The following VPS13A variants were observed in gnomAD, a reference collection of about 807,000 sequenced individuals.
The protein encoded by VPS13A is vacuolar protein sorting 13 homolog A.
VPS13A carries 264 observed loss-of-function variants against 390.9 expected under a neutral mutation model. The observed-to-expected ratio is 0.68, with a 90% CI of 0.61 to 0.75. The LOEUF (loss-of-function observed/expected upper bound fraction) is 0.75, where lower values mean the gene tolerates loss of function less well. Among genes scored for constraint, VPS13A ranks in the 30% least tolerant of loss-of-function variants. VPS13A has a pLI of 0.00. For synonymous variants in VPS13A, 1,231 were observed against 1,227.1 expected (o/e 1.00, Z -0.07); for missense variants, 3,409 against 3,733.9 (o/e 0.91, Z 2.27).
In VPS13A at chr9:77,276,240, T is replaced by A. The variant is rs770791761; in HGVS notation, c.2824+19T>A. On this transcript the variant is annotated intron_variant, in intron 26 of 71. Coordinates refer to ENST00000360280, the MANE Select transcript of VPS13A (RefSeq NM_033305.3). ...TACTTGGGTAAGAATCTCTATTTTT[T>A]AAAATAAATAAATTAATTTCATTGT... The A allele has an allele frequency of 1.9e-6, 3 of 1,547,122 alleles. No homozygotes were observed. Among genetic ancestry groups the A allele is most frequent in the South Asian group, 1.2e-5 (1 of 80,616 alleles).
intron 1 of VPS13A, among the ~76,000 whole-genome samples, chr9:77,184,722 A>G (rs1824229091): frequency 6.6e-6 from 1 of 152,252 alleles, no homozygotes; most frequent in Non-Finnish European, 1.5e-5. Flanking sequence ...TTGGTGTGAT[A>G]CATTACATTA....
Position 77,260,073 on chromosome 9 carries a change from C to T in VPS13A, c.2289-13C>T. On this transcript the variant is annotated splice_polypyrimidine_tract_variant and intron_variant, in intron 22 of 71. Transcript: ENST00000360280. Reference sequence around the variant, plus strand: ...TTCCTTTATAATTACTTATTTTTATCTTTTCAAAACAGATTCAAGATTTAT... The same window carrying T: ...TTCCTTTATAATTACTTATTTTTATTTTTTCAAAACAGATTCAAGATTTAT... 1 of 1,426,382 alleles carries T rather than the reference C, an allele frequency of 7.0e-7. No individual in the cohort carries two copies. The highest frequency in any genetic ancestry group is 9.8e-7 in the Non-Finnish European group (1 of 1,024,640). The allele number at this position is 1,426,382 out of a possible 1,614,324, so 88.4% of individuals were successfully genotyped here.
intron 1 of VPS13A, among the ~76,000 whole-genome samples, chr9:77,188,146 C>T (rs1392579451): frequency 6.6e-5 from 10 of 152,118 alleles, no homozygotes; most frequent in East Asian, 1.9e-4. Context: ...GTTCTGGCTC[C>T]GCTTTTGCCT....
At chr9:77,245,842 G>A (rs976550989) in intron 19 of VPS13A, among the ~76,000 whole-genome samples, 1 of 152,162 alleles carries the variant, frequency 6.6e-6, no homozygotes, top group Non-Finnish European at 1.5e-5. Flanking sequence ...TTGTTTCATG[G>A]TTCTACAGGC....
intron 26 of VPS13A, among the ~76,000 whole-genome samples, chr9:77,278,687 G>A (rs530851272): frequency 3.8e-4 from 58 of 152,202 alleles, no homozygotes; most frequent in Non-Finnish European, 7.4e-4. Context: ...GCAATTTGTG[G>A]CATTTTTTTC....
intron 3 of VPS13A, among the ~76,000 whole-genome samples, chr9:77,204,512 G>T (rs1825521907): frequency 6.6e-6 from 1 of 151,952 alleles, no homozygotes; most frequent in Non-Finnish European, 1.5e-5. Context: ...TAGTTTATAT[G>T]TATGATTATT....
intron 42 of VPS13A, among the ~76,000 whole-genome samples, chr9:77,319,938 G>A (rs1041245565): frequency 1.3e-5 from 2 of 152,048 alleles, no homozygotes; most frequent in Non-Finnish European, 2.9e-5. Flanking sequence ...CAAGGTTCAG[G>A]TTGTCTCATC....
intron 35 of VPS13A, 25 bp downstream of exon 35, chr9:77,308,123 T>G: frequency 2.5e-6 from 4 of 1,612,492 alleles, no homozygotes; most frequent in Non-Finnish European, 3.4e-6. Flanking sequence ...TCAAATTTCT[T>G]TCTGCTTTCC....
chr9:77,395,565 T>G (rs1380583470), intron 68 of VPS13A: 2 of 152,206 alleles, frequency 1.3e-5, no homozygotes, highest in Non-Finnish European at 2.9e-5. Flanking sequence ...GTAGACTTGC[T>G]TGATGCAGAG....
intron 22 of VPS13A, among the ~76,000 whole-genome samples, chr9:77,255,033 A>G (rs1462040961): frequency 6.6e-6 from 1 of 152,016 alleles, no homozygotes; most frequent in East Asian, 1.9e-4. Context: ...ACTCTCTTGA[A>G]TAGAAGTAGT....
chr9:77,251,708 C>T (rs1489727093), intron 21 of VPS13A, among the ~76,000 whole-genome samples: 2 of 152,116 alleles, frequency 1.3e-5, no homozygotes, highest in African/African-American at 2.4e-5. Flanking sequence ...GTTATTTAAC[C>T]ATTCCCTTAT....
Position 77,418,985 on chromosome 9 carries a change from C to A in VPS13A, c.*2979C>A, listed in dbSNP as rs574494801. On this transcript the variant is annotated 3_prime_UTR_variant, in exon 72 of 72. Transcript: ENST00000360280. ...TATTAGTTGATCCTTCAGGCTATGCCAAGTGCCCCCTCATGTAGGCCTCTG... is the reference window on the plus strand; with the variant it reads ...TATTAGTTGATCCTTCAGGCTATGCAAAGTGCCCCCTCATGTAGGCCTCTG... 1 of 152,306 alleles carries A rather than the reference C, an allele frequency of 6.6e-6. No homozygotes were observed. The highest frequency in any genetic ancestry group is 1.9e-4 in the East Asian group (1 of 5,184). The allele number at this position is 152,306 out of a possible 1,614,324, so 9.4% of individuals were successfully genotyped here. A position where few individuals can be genotyped will look rare whatever the true frequency, so the allele number is the denominator to read the frequency against.
At chr9:77,213,388 A>G (rs1271024142) in intron 9 of VPS13A, 74 bp downstream of exon 9, 1 of 1,221,472 alleles carries the variant, frequency 8.2e-7, no homozygotes, top group Non-Finnish European at 1.2e-6. Flanking sequence ...TCATTTATCT[A>G]ATATACTGTA....
chr9:77,197,673 A>G (rs1425548985), intron 1 of VPS13A, among the ~76,000 whole-genome samples: 2 of 152,090 alleles, frequency 1.3e-5, no homozygotes, highest in African/African-American at 4.8e-5. Flanking sequence ...ACATAATGAG[A>G]TATCTTGGAG....
intron 31 of VPS13A, among the ~76,000 whole-genome samples, chr9:77,285,604 C>G (rs1827277749): frequency 6.6e-6 from 1 of 152,152 alleles, no homozygotes; most frequent in Non-Finnish European, 1.5e-5. Flanking sequence ...CTCAACTTTT[C>G]TGGCCTTGTT....
intron 33 of VPS13A, among the ~76,000 whole-genome samples, chr9:77,300,640 G>A (rs949217839): frequency 1.3e-5 from 2 of 152,172 alleles, no homozygotes; most frequent in Non-Finnish European, 2.9e-5. Context: ...ACTGAGGCAG[G>A]AGAATCACTT....
chr9:77,177,763 T>C lies in VPS13A; in HGVS notation c.59T>C (p.Val20Ala). The C allele has an allele frequency of 6.2e-7, 1 of 1,613,566 alleles. No individual in the cohort carries two copies. Among genetic ancestry groups the C allele is most frequent in the Non-Finnish European group, 8.5e-7 (1 of 1,179,678 alleles). ...VLNRFLGDYV[V>A]DLDTSQLSLG... ...AACCGGTTCTTGGGGGACTATGTGG[T>C]GGACTTGGACACGTCCCAGCTCTCT... The change falls in exon 1 of 72, where the codon GTG becomes GCG. Residue 20 changes from valine (V) to alanine (A), a missense_variant. By Grantham distance (64) the Val-to-Ala change is moderately conservative. Coordinates refer to ENST00000360280, the MANE Select transcript of VPS13A (RefSeq NM_033305.3).
intron 61 of VPS13A, among the ~76,000 whole-genome samples, chr9:77,367,262 GA>G (rs1475751906): frequency 6.6e-6 from 1 of 152,130 alleles, no homozygotes; most frequent in Non-Finnish European, 1.5e-5. Flanking sequence ...GATAATAGGG[GA>G]AATGAAAGGA....
At chr9:77,258,097 T>G (rs1044688587) in intron 22 of VPS13A, among the ~76,000 whole-genome samples, 1 of 152,184 alleles carries the variant, frequency 6.6e-6, no homozygotes, top group Non-Finnish European at 1.5e-5. Context: ...ACTGGGCCAT[T>G]TAGATTATTT....
Sources: gnomAD v4.1 joint callset for allele counts (sites outside exome capture counted in the v4.1 genomes callset) on GRCh38, gnomAD v4.1.1 for gene constraint, MANE v1.5 for transcripts, NCBI Gene and HGNC (gene_info 2026-07-23, HGNC 2026-07-21) for gene names.